The following CNOT1 variants were observed in gnomAD, a reference collection of about 807,000 sequenced individuals.
The protein encoded by CNOT1 is CCR4-NOT transcription complex subunit 1.
Under a neutral mutation model 273.8 loss-of-function variants are expected in CNOT1, and 15 were observed. The ratio of observed to expected loss-of-function variants is 0.05; its 90% CI spans 0.04 to 0.08. The LOEUF is 0.08. Among genes scored for constraint, CNOT1 ranks in the 10% least tolerant of loss-of-function variants. The pLI is 1.00. For missense variants in CNOT1, 1,644 were observed against 2,912.2 expected (o/e 0.56, Z 10.02); for synonymous variants, 1,022 against 1,005.5 (o/e 1.02, Z -0.31).
intron 44 of CNOT1, among the ~76,000 whole-genome samples, chr16:58,526,817 C>CAAAAAA (rs58419483): frequency 3.4e-5 from 3 of 88,132 alleles, no homozygotes; most frequent in Admixed American, 1.2e-4. Flanking sequence ...AACTCCGTCT[C>CAAAAAA]AAAAAAAAAA....
chr16:58,571,533 C>A (rs189441464), intron 16 of CNOT1, among the ~76,000 whole-genome samples: 1 of 152,224 alleles, frequency 6.6e-6, no homozygotes, highest in East Asian at 1.9e-4. Context: ...ACACTCCAGC[C>A]TGGGTGACAC....
rs771984047 is a variant in CNOT1, at chr16:58,549,911, T to C, written c.3343-13A>G. 6.2e-7 allele frequency: 1 copy of C among 1,613,470 alleles called. No individual in the cohort carries two copies. Among genetic ancestry groups the C allele is most frequent in the Non-Finnish European group, 8.5e-7 (1 of 1,179,832 alleles). On this transcript the variant is annotated splice_polypyrimidine_tract_variant and intron_variant, in intron 24 of 48. Transcript: ENST00000317147. ...TTAGCTCTTCAACCTAGCCGGTCAA[T>C]ACGACATGGGAAGCACAGAATTACA...
At chr16:58,527,370 A>AAC (rs1399057366) in intron 44 of CNOT1, among the ~76,000 whole-genome samples, 1 of 151,436 alleles carries the variant, frequency 6.6e-6, no homozygotes, top group African/African-American at 2.4e-5. Flanking sequence ...AAAATACAAA[A>AAC]AAAAAAATTA....
In CNOT1 at chr16:58,551,124, A is replaced by G. The variant is rs750451152; in HGVS notation, c.3342+8T>C. The G allele has an allele frequency of 6.2e-7, 1 of 1,607,710 alleles. No individual in the cohort carries two copies. Among genetic ancestry groups the G allele is most frequent in the South Asian group, 1.1e-5 (1 of 89,046 alleles). ...GAAGGCATTTATAAACTATGACAGC[A>G]TGCTCACCTTTTGTGTCATATTTGA... On this transcript the variant is annotated splice_region_variant and intron_variant, in intron 24 of 48. Coordinates refer to ENST00000317147, the MANE Select transcript of CNOT1 (RefSeq NM_016284.5).
chr16:58,581,630 T>A, intron 10 of CNOT1, 115 bp from the exon 11 acceptor site: 1 of 1,413,468 alleles, frequency 7.1e-7, no homozygotes, highest in South Asian at 1.6e-5. Context: ...TACAAAATTT[T>A]TAATGTGAAT....
rs1182546685 is a variant in CNOT1, at chr16:58,590,034, T to C, written c.103-1128A>G. 9.2e-5 allele frequency among the ~76,000 whole-genome samples: 14 copies of C among 152,222 alleles called. No homozygotes were observed. The East Asian group carries it at 2.5e-3, about 27-fold the overall frequency. Reference sequence around the variant, plus strand: ...GCATTTACCACTACCTGCTAATTTGTTTATTGAAATTTTGTATAGCTGTGT... The same window carrying C: ...GCATTTACCACTACCTGCTAATTTGCTTATTGAAATTTTGTATAGCTGTGT... On this transcript the variant is annotated intron_variant, in intron 2 of 48. Coordinates refer to ENST00000317147, the MANE Select transcript of CNOT1 (RefSeq NM_016284.5).
chr16:58,569,526 A>C lies in CNOT1; in HGVS notation c.1979+5083T>G, dbSNP rs868319915. Among the ~76,000 whole-genome samples the C allele has an allele frequency of 5.8e-4, 88 of 152,114 alleles. 1 individual carries two copies. The highest frequency in any genetic ancestry group is 6.8e-3 in the Middle Eastern group (2 of 294). ...TCCATAGAAATTAGCAAAAAAAAAA[A>C]CCAAAAAACAGAAATTCGTTTTTTC... On this transcript the variant is annotated intron_variant, in intron 16 of 48. Coordinates refer to ENST00000317147, the MANE Select transcript of CNOT1 (RefSeq NM_016284.5).
chr16:58,561,128 T>C (rs182062477), intron 16 of CNOT1, among the ~76,000 whole-genome samples: 16 of 152,292 alleles, frequency 1.1e-4, no homozygotes, highest in Admixed American at 1.0e-3. Context: ...GAGGCTGCAA[T>C]GAGCTATAAT....
intron 1 of CNOT1, among the ~76,000 whole-genome samples, chr16:58,618,560 G>A (rs2043179206): frequency 6.6e-6 from 1 of 151,922 alleles, no homozygotes; most frequent in East Asian, 1.9e-4. Flanking sequence ...TCCAGGCTGG[G>A]CGACAGGGCG....
intron 11 of CNOT1, 74 bp from the exon 12 acceptor site, chr16:58,580,834 C>T: frequency 1.4e-6 from 2 of 1,390,218 alleles, no homozygotes; most frequent in Non-Finnish European, 2.0e-6. Context: ...TTTCACTAGG[C>T]TATTGTCAAT....
chr16:58,605,770 T>C (rs1040755534), intron 1 of CNOT1, among the ~76,000 whole-genome samples: 1 of 152,142 alleles, frequency 6.6e-6, no homozygotes, highest in Non-Finnish European at 1.5e-5. Flanking sequence ...ATGATCCTCC[T>C]ACCTCAGCTT....
At chr16:58,601,176 G>A (rs768772902) in intron 1 of CNOT1, among the ~76,000 whole-genome samples, 10 of 152,116 alleles carry the variant, frequency 6.6e-5, no homozygotes, top group Non-Finnish European at 1.3e-4. Context: ...GGCTGGTCTT[G>A]AACTCCTGAC....
At chr16:58,620,145 C>T (rs1009988218) in intron 1 of CNOT1, among the ~76,000 whole-genome samples, 9 of 152,130 alleles carry the variant, frequency 5.9e-5, no homozygotes, top group African/African-American at 9.7e-5. Context: ...TACAGTTCAA[C>T]TGTATATATG....
intron 46 of CNOT1, among the ~76,000 whole-genome samples, chr16:58,524,666 T>TG (rs2039525491): frequency 6.6e-6 from 1 of 152,140 alleles, no homozygotes; most frequent in Non-Finnish European, 1.5e-5. Context: ...AGCACCTAAC[T>TG]GGGGTCTCTA....
chr16:58,599,084 G>A (rs931461632), intron 2 of CNOT1, 152 bp downstream of exon 2: 2 of 770,228 alleles, frequency 2.6e-6, no homozygotes, highest in Non-Finnish European at 4.0e-6. Flanking sequence ...TGGGCTAAGA[G>A]CTCTTTTACA....
intron 46 of CNOT1, among the ~76,000 whole-genome samples, chr16:58,524,104 G>GC (rs2039497535): frequency 6.6e-6 from 1 of 152,040 alleles, no homozygotes; most frequent in Non-Finnish European, 1.5e-5. Context: ...ATAAAAATTA[G>GC]CTGGGCATGG....
chr16:58,629,175 G>A (rs2043713335), intron 1 of CNOT1, among the ~76,000 whole-genome samples: 1 of 151,168 alleles, frequency 6.6e-6, no homozygotes, highest in Non-Finnish European at 1.5e-5. Flanking sequence ...GGGGGGCTTT[G>A]ACAACGTGCT....
chr16:58,532,460 T>C, intron 40 of CNOT1, 65 bp from the exon 41 acceptor site: 2 of 1,568,766 alleles, frequency 1.3e-6, no homozygotes, highest in Non-Finnish European at 1.7e-6. Flanking sequence ...TTCGATGTCA[T>C]GCTTTTTAAA....
At chr16:58,614,820 C>T (rs2043019264) in intron 1 of CNOT1, among the ~76,000 whole-genome samples, 1 of 125,436 alleles carries the variant, frequency 8.0e-6, no homozygotes, top group East Asian at 1.9e-4. Flanking sequence ...AGCGATCCTC[C>T]TGCCTCAGCT....
Sources: allele counts gnomAD v4.1 joint callset (sites outside exome capture counted in the v4.1 genomes callset), GRCh38; gene constraint gnomAD v4.1.1; transcripts MANE v1.5; gene names NCBI Gene and HGNC (gene_info 2026-07-23, HGNC 2026-07-21).